Variants in MARCO observed in about 807,000 individuals in gnomAD.
MARCO encodes macrophage receptor with collagenous structure.
Under a neutral mutation model 70.0 loss-of-function variants are expected in MARCO, and 72 were observed. The observed-to-expected ratio is 1.03, with a 90% CI of 0.85 to 1.25. The LOEUF is 1.25. Ranked by LOEUF, MARCO falls within the 50% of genes most tolerant of loss-of-function variation. The probability of loss-of-function intolerance (pLI) is 0.00; values close to 1 mark genes in which losing one functional copy is unlikely to be tolerated. For missense variants in MARCO, 696 were observed against 659.3 expected, an observed-to-expected ratio of 1.06 and a Z score of -0.61; for synonymous variants, 273 against 243.1, an observed-to-expected ratio of 1.12 and a Z score of -1.14.
At chr2:118,994,024 A>T (rs1215763297) in intron 16 of MARCO, among the ~76,000 whole-genome samples, 18 of 152,236 alleles carry the variant, frequency 1.2e-4, no homozygotes, top group Admixed American at 1.2e-3. Context: ...TGGCTTGATT[A>T]CAGAGGCATG....
At chr2:118,952,570 T>C (rs1679743739) in intron 1 of MARCO, 2 of 152,246 alleles carry the variant, frequency 1.3e-5, no homozygotes, top group Admixed American at 6.5e-5. Context: ...CAGAATTTCA[T>C]GACCAAGGAA....
intron 1 of MARCO, among the ~76,000 whole-genome samples, chr2:118,967,723 A>AT (rs1191256637): frequency 1.3e-5 from 2 of 152,156 alleles, no homozygotes; most frequent in African/African-American, 2.4e-5. Context: ...GTTGGAAGGA[A>AT]TATCAGCAGG....
intron 9 of MARCO, 56 bp from the exon 10 acceptor site, chr2:118,981,565 T>TTTTTG: frequency 6.3e-7 from 1 of 1,584,170 alleles, no homozygotes; most frequent in South Asian, 1.1e-5. Context: ...TTTTTTTTTT[T>TTTTTG]CTGGCTGGCT....
chr2:118,993,700 G>A (rs1573413892), intron 16 of MARCO, among the ~76,000 whole-genome samples: 2 of 152,220 alleles, frequency 1.3e-5, no homozygotes, highest in African/African-American at 4.8e-5. Flanking sequence ...TGAACCAGCA[G>A]CCTGGATTGA....
At chr2:118,990,980 T>G (rs887184733) in intron 13 of MARCO, among the ~76,000 whole-genome samples, 2 of 152,156 alleles carry the variant, frequency 1.3e-5, no homozygotes, top group Non-Finnish European at 1.5e-5. Flanking sequence ...CATCCACGGC[T>G]GCTGCTTCCC....
intron 12 of MARCO, among the ~76,000 whole-genome samples, chr2:118,985,361 C>T (rs943342198): frequency 6.6e-6 from 1 of 152,144 alleles, no homozygotes; most frequent in Non-Finnish European, 1.5e-5. Context: ...CTGGCTTGGT[C>T]ACCAAGCCTT....
intron 1 of MARCO, among the ~76,000 whole-genome samples, chr2:118,960,323 T>C (rs1679918690): frequency 6.6e-6 from 1 of 152,114 alleles, no homozygotes. Context: ...AGAACATATA[T>C]CCTTGCCTTG....
intron 1 of MARCO, among the ~76,000 whole-genome samples, chr2:118,965,027 A>C (rs1680018289): frequency 6.6e-6 from 1 of 151,406 alleles, no homozygotes; most frequent in Non-Finnish European, 1.5e-5. Context: ...ATGTGTCTTG[A>C]TATGGATTTC....
rs780588237 is a variant in MARCO at position 118,977,458 on chromosome 2, TC to T, written c.614-11del. ...AGGCCACAGCAACTGAGCTCTTTTT[TC>T]CTTCCTCACAGGCCTCCAAGGACCC... On this transcript the variant is annotated splice_polypyrimidine_tract_variant and intron_variant, in intron 6 of 16. Transcript: ENST00000327097. 3.7e-6 allele frequency: 6 copies of T among 1,613,022 alleles called. No individual in the cohort carries two copies. Among genetic ancestry groups the T allele is most frequent in the East Asian group, 2.2e-5 (1 of 44,856 alleles).
chr2:118,960,012 C>A (rs1234782488), intron 1 of MARCO, among the ~76,000 whole-genome samples: 1 of 151,904 alleles, frequency 6.6e-6, no homozygotes, highest in Non-Finnish European at 1.5e-5. Context: ...GCAATGTATA[C>A]TGCTTGGGTG....
At chr2:118,956,935 T>C (rs1679848268) in intron 1 of MARCO, among the ~76,000 whole-genome samples, 1 of 152,146 alleles carries the variant, frequency 6.6e-6, no homozygotes, top group Non-Finnish European at 1.5e-5. Context: ...TTAAAAATTC[T>C]TTGAACTGAA....
At chr2:118,957,134 C>A (rs1679851995) in intron 1 of MARCO, among the ~76,000 whole-genome samples, 1 of 151,640 alleles carries the variant, frequency 6.6e-6, no homozygotes, top group South Asian at 2.1e-4. Flanking sequence ...AGGAAGTAAC[C>A]AAGATCAGAG....
chr2:118,965,797 G>T (rs1395903927), intron 1 of MARCO, among the ~76,000 whole-genome samples: 1 of 152,160 alleles, frequency 6.6e-6, no homozygotes, highest in Non-Finnish European at 1.5e-5. Flanking sequence ...ACGTTATTTT[G>T]ATCCACTTTG....
intron 12 of MARCO, among the ~76,000 whole-genome samples, chr2:118,989,826 G>A (rs1443830266): frequency 6.6e-6 from 1 of 152,202 alleles, no homozygotes; most frequent in African/African-American, 2.4e-5. Flanking sequence ...TAACTGCCTT[G>A]AGGAGTCCTA....
intron 4 of MARCO, among the ~76,000 whole-genome samples, chr2:118,971,759 C>T (rs563564845): frequency 6.6e-6 from 1 of 152,354 alleles, no homozygotes; most frequent in South Asian, 2.1e-4. Flanking sequence ...GAGGCTTCCT[C>T]TCTCCACTCC....
At chr2:118,993,674 T>C (rs1680667249) in intron 16 of MARCO, among the ~76,000 whole-genome samples, 1 of 152,206 alleles carries the variant, frequency 6.6e-6, no homozygotes, top group South Asian at 2.1e-4. Flanking sequence ...ACGCAGATGT[T>C]CACTCCAGCT....
intron 8 of MARCO, among the ~76,000 whole-genome samples, chr2:118,980,625 G>A (rs927199465): frequency 2.6e-5 from 4 of 152,202 alleles, no homozygotes; most frequent in African/African-American, 4.8e-5. Flanking sequence ...GTGTTGAGGT[G>A]AGATATTCCT....
At chr2:118,992,507 T>C in intron 15 of MARCO, 31 bp downstream of exon 15, 1 of 1,541,986 alleles carries the variant, frequency 6.5e-7, no homozygotes, top group Non-Finnish European at 9.0e-7. Flanking sequence ...CTTTAATGTG[T>C]GCTTTAAAGT....
chr2:118,959,662 T>C (rs1046227863), intron 1 of MARCO, among the ~76,000 whole-genome samples: 1 of 152,206 alleles, frequency 6.6e-6, no homozygotes, highest in Non-Finnish European at 1.5e-5. Flanking sequence ...AAGAAGTCAC[T>C]GTTTGAAAAA....
Sources: gnomAD v4.1 joint callset for allele counts (sites outside exome capture counted in the v4.1 genomes callset) on GRCh38, gnomAD v4.1.1 for gene constraint, MANE v1.5 for transcripts, NCBI Gene and HGNC (gene_info 2026-07-23, HGNC 2026-07-21) for gene names.